PRKCI: variants seen among roughly 807,000 people sequenced by gnomAD.
PRKCI encodes protein kinase C iota type.
Under a neutral mutation model 84.0 loss-of-function variants are expected in PRKCI, and 43 were observed. The ratio of observed to expected loss-of-function variants is 0.51; its 90% CI spans 0.40 to 0.66. The LOEUF (loss-of-function observed/expected upper bound fraction) is 0.66, where lower values mean the gene tolerates loss of function less well. Among genes scored for constraint, PRKCI ranks in the 30% least tolerant of loss-of-function variants. The pLI is 0.00. For missense variants in PRKCI, 459 were observed against 745.6 expected, an observed-to-expected ratio of 0.62 and a Z score of 4.48; for synonymous variants, 216 against 234.4, an observed-to-expected ratio of 0.92 and a Z score of 0.72.
intron 1 of PRKCI, among the ~76,000 whole-genome samples, chr3:170,223,937 T>G (rs1165599715): frequency 1.3e-5 from 2 of 152,064 alleles, no homozygotes; most frequent in African/African-American, 4.8e-5. Flanking sequence ...ATTATTATAC[T>G]TTAAGTTTTA....
Position 170,289,898 on chromosome 3 carries a change from G to A in PRKCI, c.1204-1956G>A, listed in dbSNP as rs943293079. Among the ~76,000 whole-genome samples the A allele has an allele frequency of 4.6e-5, 7 of 150,846 alleles. No homozygotes were observed. The East Asian group carries it at 7.8e-4, about 17-fold the overall frequency. On this transcript the variant is annotated intron_variant, in intron 12 of 17. Transcript: ENST00000295797. ...TTGCACTCCAGCCTGGGTAACGAGCGAAACTCCATCTTAAAAGAAGAAAAA... is the reference window on the plus strand; with the variant it reads ...TTGCACTCCAGCCTGGGTAACGAGCAAAACTCCATCTTAAAAGAAGAAAAA...
intron 14 of PRKCI, among the ~76,000 whole-genome samples, chr3:170,294,043 G>A (rs1270982534): frequency 1.3e-5 from 2 of 152,060 alleles, no homozygotes; most frequent in African/African-American, 4.8e-5. Context: ...CTTCACTCCT[G>A]TTCACAGTTA....
intron 2 of PRKCI, among the ~76,000 whole-genome samples, chr3:170,248,902 C>G (rs1553838529): frequency 6.7e-6 from 1 of 150,242 alleles, no homozygotes; most frequent in Non-Finnish European, 1.5e-5. Flanking sequence ...GGCTGTAGTG[C>G]AGTGGCATGA....
chr3:170,263,649 A>G (rs1027028213), intron 4 of PRKCI, among the ~76,000 whole-genome samples: 1 of 151,926 alleles, frequency 6.6e-6, no homozygotes, highest in Non-Finnish European at 1.5e-5. Context: ...AAAAACACAC[A>G]AAAAAATTAG....
intron 8 of PRKCI, among the ~76,000 whole-genome samples, chr3:170,279,479 T>C (rs935600906): frequency 6.6e-6 from 1 of 152,232 alleles, no homozygotes; most frequent in African/African-American, 2.4e-5. Context: ...GATTTCATAC[T>C]TTATTCTCAT....
intron 1 of PRKCI, among the ~76,000 whole-genome samples, chr3:170,228,835 A>T (rs1204746029): frequency 6.6e-6 from 1 of 152,022 alleles, no homozygotes; most frequent in Non-Finnish European, 1.5e-5. Flanking sequence ...AAAACCCAGA[A>T]AATTACCTGT....
chr3:170,231,893 G>A (rs1732803390), intron 1 of PRKCI, among the ~76,000 whole-genome samples: 1 of 152,166 alleles, frequency 6.6e-6, no homozygotes, highest in Non-Finnish European at 1.5e-5. Flanking sequence ...AAGAATTAAA[G>A]TTAGTGTTAT....
chr3:170,255,447 T>C (rs979025804), intron 2 of PRKCI, among the ~76,000 whole-genome samples: 3 of 152,222 alleles, frequency 2.0e-5, no homozygotes, highest in Non-Finnish European at 4.4e-5. Context: ...TTGATTACTT[T>C]TTCAGATTAT....
chr3:170,296,991 A>G (rs1038558026), intron 15 of PRKCI, among the ~76,000 whole-genome samples: 1 of 152,194 alleles, frequency 6.6e-6, no homozygotes, highest in African/African-American at 2.4e-5. Flanking sequence ...CTCTCACACT[A>G]GGTCATGCAA....
intron 7 of PRKCI, among the ~76,000 whole-genome samples, chr3:170,274,020 T>G (rs568599527): frequency 1.3e-5 from 2 of 152,240 alleles, no homozygotes; most frequent in Non-Finnish European, 2.9e-5. Context: ...TTTTTCTAGT[T>G]CACATAAATT....
At chr3:170,229,592 C>T (rs1425261986) in intron 1 of PRKCI, among the ~76,000 whole-genome samples, 1 of 152,212 alleles carries the variant, frequency 6.6e-6, no homozygotes, top group Non-Finnish European at 1.5e-5. Context: ...CCATTGCGCC[C>T]AGCCACCATA....
chr3:170,256,763 C>T (rs528954719), intron 2 of PRKCI, among the ~76,000 whole-genome samples: 5 of 152,138 alleles, frequency 3.3e-5, no homozygotes, highest in African/African-American at 9.6e-5. Context: ...TTAGTTTGTT[C>T]ATTTAGCGCC....
chr3:170,281,273 A>G lies in PRKCI; in HGVS notation c.980+10A>G, dbSNP rs1156899789. The G allele has an allele frequency of 6.2e-7, 1 of 1,608,858 alleles. No homozygotes were observed. The highest frequency in any genetic ancestry group is 8.5e-7 in the Non-Finnish European group (1 of 1,175,444). ...TTCAGACAGAAAGCAGGTAAGATTGAAAGATAGTAGAATGATTACTGGGCT... is the reference window on the plus strand; with the variant it reads ...TTCAGACAGAAAGCAGGTAAGATTGGAAGATAGTAGAATGATTACTGGGCT... On this transcript the variant is annotated intron_variant, in intron 10 of 17. Transcript: ENST00000295797.
At chr3:170,241,070 A>G (rs1733118979) in intron 2 of PRKCI, among the ~76,000 whole-genome samples, 2 of 146,288 alleles carry the variant, frequency 1.4e-5, no homozygotes. Flanking sequence ...TAATTAACAG[A>G]TAATAATTGT....
intron 17 of PRKCI, 63 bp downstream of exon 17, chr3:170,299,173 T>C (rs1320018608): frequency 1.9e-5 from 16 of 864,564 alleles, no homozygotes; most frequent in Middle Eastern, 2.3e-4. Context: ...TTTTAGTGAC[T>C]ATGCAATGTT....
In PRKCI at chr3:170,222,514, G is replaced by A. The variant is rs1412053950; in HGVS notation, c.-156G>A. On this transcript the variant is annotated 5_prime_UTR_variant, in exon 1 of 18. Transcript: ENST00000295797. ...GCCGCGCGGTTCCGGCTGCTCCGGCGAGGCGACCCTTGGGTCGGCGCTGCG... is the reference window on the plus strand; with the variant it reads ...GCCGCGCGGTTCCGGCTGCTCCGGCAAGGCGACCCTTGGGTCGGCGCTGCG... The A allele has an allele frequency of 1.2e-5, 7 of 602,682 alleles. No individual in the cohort carries two copies. Among genetic ancestry groups the A allele is most frequent in the Middle Eastern group, 4.7e-4 (1 of 2,122 alleles). The allele number at this position is 602,682 out of a possible 1,614,324, so 37.3% of individuals were successfully genotyped here. A position where few individuals can be genotyped will look rare whatever the true frequency, so the allele number is the denominator to read the frequency against.
chr3:170,290,913 A>G (rs375367671), intron 12 of PRKCI, among the ~76,000 whole-genome samples: 151 of 151,916 alleles, frequency 9.9e-4, no homozygotes, highest in African/African-American at 3.5e-3. Context: ...CGAGGTGGGC[A>G]GATCATCTGG....
rs1042557156 is a variant in PRKCI, at chr3:170,236,277, T to C, written c.223+926T>C. Among the ~76,000 whole-genome samples the C allele has an allele frequency of 5.4e-5, 8 of 148,584 alleles. No individual in the cohort carries two copies. In the East Asian group the frequency reaches 1.6e-3, roughly 30 times the overall value. ...CACCACACCCAGATAATTTTTGTATTTGTAGTAGAGACGGGGTTTTGCCGT... is the reference window on the plus strand; with the variant it reads ...CACCACACCCAGATAATTTTTGTATCTGTAGTAGAGACGGGGTTTTGCCGT... On this transcript the variant is annotated intron_variant, in intron 2 of 17. Transcript: ENST00000295797.
chr3:170,262,343 A>G (rs1386042924), intron 3 of PRKCI, among the ~76,000 whole-genome samples: 1 of 152,010 alleles, frequency 6.6e-6, no homozygotes, highest in African/African-American at 2.4e-5. Flanking sequence ...CATTGTGACA[A>G]ACTTGTCCTA....
Sources: gnomAD v4.1 joint callset for allele counts (sites outside exome capture counted in the v4.1 genomes callset) on GRCh38, gnomAD v4.1.1 for gene constraint, MANE v1.5 for transcripts, NCBI Gene and HGNC (gene_info 2026-07-23, HGNC 2026-07-21) for gene names.